SLC28A3: variants seen among roughly 807,000 people sequenced by gnomAD.
SLC28A3 encodes the protein concentrative Na(+)-nucleoside cotransporter 3.
In SLC28A3, 68 loss-of-function variants were observed where a neutral mutation model predicts 84.2. The ratio of observed to expected loss-of-function variants is 0.81; its 90% CI spans 0.66 to 0.99. SLC28A3 has a LOEUF of 0.99. Among genes scored for constraint, SLC28A3 ranks in the 50% least tolerant of loss-of-function variants. The pLI, the probability that SLC28A3 is intolerant of heterozygous loss-of-function variation, is 0.00. For missense variants in SLC28A3, 712 were observed against 841.5 expected (o/e 0.85, Z 1.90); for synonymous variants, 267 against 303.6 (o/e 0.88, Z 1.25).
intron 1 of SLC28A3, among the ~76,000 whole-genome samples, chr9:84,326,141 A>G (rs890824771): frequency 1.3e-5 from 2 of 151,946 alleles, no homozygotes; most frequent in African/African-American, 4.8e-5. Context: ...ATGCTTAATC[A>G]TTTCTATTCT....
At position 84,285,458 on chromosome 9, in the gene SLC28A3, CTA is replaced by C; in HGVS notation, c.1532_1533del (p.Ile511ArgfsTer3). The C allele has an allele frequency of 2.5e-6, 4 of 1,614,170 alleles. No individual in the cohort carries two copies. The highest frequency in any genetic ancestry group is 3.4e-6 in the Non-Finnish European group (4 of 1,180,028). Reference sequence around the variant, plus strand: ...AATTCATTGAAGAAGGTCTTATAACCTATGAGTCTGGCAACCATAAAGCTGTC... The same window carrying C: ...AATTCATTGAAGAAGGTCTTATAACCTGAGTCTGGCAACCATAAAGCTGTC... Reference protein sequence around the residue: ...WQDSFMVARLIGYKTFFNEFV... With the variant: ...WQDSFMVARLXGYKTFFNEFV... On this transcript the variant is annotated frameshift_variant, in exon 14 of 18. Coordinates refer to ENST00000376238, the MANE Select transcript of SLC28A3 (RefSeq NM_001199633.2). LOFTEE classifies it high-confidence loss of function.
At chr9:84,363,151 G>T in the SLC28A3 span, among the ~76,000 whole-genome samples, 2 of 152,080 alleles carry the variant, frequency 1.3e-5, no homozygotes, top group South Asian at 2.1e-4. Flanking sequence ...GATATTTAAA[G>T]CTATGGAACA....
chr9:84,298,781 T>C (rs1825514355), intron 6 of SLC28A3, among the ~76,000 whole-genome samples: 1 of 152,148 alleles, frequency 6.6e-6, no homozygotes, highest in Non-Finnish European at 1.5e-5. Flanking sequence ...TTAAGTAAAA[T>C]ATTGCCCTGT....
At chr9:84,306,149 C>G (rs1372032421) in intron 3 of SLC28A3, among the ~76,000 whole-genome samples, 1 of 152,098 alleles carries the variant, frequency 6.6e-6, no homozygotes, top group Admixed American at 6.6e-5. Flanking sequence ...CTTTGGAGGC[C>G]TCTCCTTCTC....
intron 8 of SLC28A3, among the ~76,000 whole-genome samples, chr9:84,295,042 C>A (rs1825363028): frequency 6.6e-6 from 1 of 152,060 alleles, no homozygotes; most frequent in Non-Finnish European, 1.5e-5. Flanking sequence ...TAGCCTGCTG[C>A]CACTGGACTG....
intron 13 of SLC28A3, 23 bp downstream of exon 13, chr9:84,285,920 G>A (rs754940703): frequency 6.2e-7 from 1 of 1,602,234 alleles, no homozygotes; most frequent in Non-Finnish European, 8.5e-7. Flanking sequence ...AAAACAGAGG[G>A]CAGGGGCGTG....
At chr9:84,290,335 A>G (rs1469058274) in intron 10 of SLC28A3, 56 bp from the exon 11 acceptor site, 3 of 1,590,908 alleles carry the variant, frequency 1.9e-6, no homozygotes, top group Non-Finnish European at 2.6e-6. Context: ...GGGGCAGGGG[A>G]AGGCATGCCA....
Position 84,276,153 on chromosome 9 carries a change from A to T in SLC28A3, c.*2065T>A, listed in dbSNP as rs1014858450. 6.6e-6 allele frequency: 1 copy of T among 152,118 alleles called. No homozygotes were observed. The allele number at this position is 152,118 out of a possible 1,614,324, so 9.4% of individuals were successfully genotyped here. A position where few individuals can be genotyped will look rare whatever the true frequency, so the allele number is the denominator to read the frequency against. Reference sequence around the variant, plus strand: ...CATTTAGACCAACATGGGTATGTAAATTTACTTTGCAAATTTAGATTTTAT... The same window carrying T: ...CATTTAGACCAACATGGGTATGTAATTTTACTTTGCAAATTTAGATTTTAT... On this transcript the variant is annotated 3_prime_UTR_variant, in exon 18 of 18. Coordinates refer to ENST00000376238, the MANE Select transcript of SLC28A3 (RefSeq NM_001199633.2).
chr9:84,349,574 T>G, the SLC28A3 span, among the ~76,000 whole-genome samples: 5 of 152,220 alleles, frequency 3.3e-5, no homozygotes, highest in Non-Finnish European at 5.9e-5. Context: ...TGTAGAATTC[T>G]GTTATGACAG....
intron 15 of SLC28A3, 52 bp downstream of exon 15, chr9:84,280,749 C>T (rs1386931698): frequency 1.9e-6 from 3 of 1,580,402 alleles, no homozygotes; most frequent in East Asian, 2.2e-5. Context: ...AATGGGGATC[C>T]AAGTATGTCT....
At chr9:84,350,317 C>G in the SLC28A3 span, among the ~76,000 whole-genome samples, 16 of 152,058 alleles carry the variant, frequency 1.1e-4, no homozygotes, top group Non-Finnish European at 1.9e-4. Flanking sequence ...TGGTGCATGC[C>G]TGTAATCCCA....
At chr9:84,332,962 A>C (rs868015958) in intron 1 of SLC28A3, among the ~76,000 whole-genome samples, 1 of 152,218 alleles carries the variant, frequency 6.6e-6, no homozygotes, top group Non-Finnish European at 1.5e-5. Flanking sequence ...GGGCTTGTCA[A>C]TCGAGGAAAA....
chr9:84,337,432 C>CTGTGTGTGTG (rs111293078), intron 1 of SLC28A3, among the ~76,000 whole-genome samples: 67 of 151,304 alleles, frequency 4.4e-4, no homozygotes, highest in African/African-American at 1.5e-3. Context: ...GGATGCTAGC[C>CTGTGTGTGTG]TGTGTGTGTG....
chr9:84,315,127 G>C (rs1299933466), intron 1 of SLC28A3, among the ~76,000 whole-genome samples: 1 of 152,150 alleles, frequency 6.6e-6, no homozygotes, highest in African/African-American at 2.4e-5. Context: ...TACATAGTAT[G>C]GGAAGATGAC....
intron 8 of SLC28A3, among the ~76,000 whole-genome samples, chr9:84,295,304 G>T (rs2118223620): frequency 6.6e-6 from 1 of 152,290 alleles, no homozygotes; most frequent in East Asian, 1.9e-4. Flanking sequence ...GTATTTTCCA[G>T]CTGGGCTCGG....
chr9:84,291,959 G>A (rs1825240335), intron 10 of SLC28A3, among the ~76,000 whole-genome samples: 1 of 152,180 alleles, frequency 6.6e-6, no homozygotes, highest in African/African-American at 2.4e-5. Context: ...TTGCTTAAAT[G>A]GGCTTCAGGC....
chr9:84,303,614 C>T (rs201266569), intron 4 of SLC28A3, among the ~76,000 whole-genome samples: 1 of 152,282 alleles, frequency 6.6e-6, no homozygotes, highest in East Asian at 1.9e-4. Flanking sequence ...GCCACCGTGC[C>T]CTGCCTCTTT....
chr9:84,344,484 C>G (rs1827218584), upstream of SLC28A3, among the ~76,000 whole-genome samples: 1 of 152,044 alleles, frequency 6.6e-6, no homozygotes, highest in Non-Finnish European at 1.5e-5. Context: ...CCACCGCACC[C>G]GGCCCAGATG....
intron 3 of SLC28A3, among the ~76,000 whole-genome samples, chr9:84,308,212 T>A (rs1204811289): frequency 6.6e-6 from 1 of 152,084 alleles, no homozygotes; most frequent in Non-Finnish European, 1.5e-5. Context: ...TGACAGGGCC[T>A]TGCTCTGTTG....
Sources: allele counts gnomAD v4.1 joint callset (sites outside exome capture counted in the v4.1 genomes callset), GRCh38; gene constraint gnomAD v4.1.1; transcripts MANE v1.5; gene names NCBI Gene and HGNC (gene_info 2026-07-23, HGNC 2026-07-21).